Variants in TRMT44 observed in about 807,000 individuals in gnomAD.
TRMT44 encodes tRNA methyltransferase 44 homolog.
A neutral mutation model predicts 77.3 loss-of-function variants in TRMT44; 78 were observed. The ratio of observed to expected loss-of-function variants is 1.01; its 90% CI spans 0.84 to 1.22. TRMT44 has a LOEUF of 1.22. Ranked by LOEUF, TRMT44 falls within the 50% of genes most tolerant of loss-of-function variation. The pLI, the probability that TRMT44 is intolerant of heterozygous loss-of-function variation, is 0.00. For synonymous variants in TRMT44, 391 were observed against 383.3 expected, an observed-to-expected ratio of 1.02 and a Z score of -0.23; for missense variants, 1,090 against 964.4, an observed-to-expected ratio of 1.13 and a Z score of -1.73.
the TRMT44 span, among the ~76,000 whole-genome samples, chr4:8,504,983 A>C: frequency 1.4e-5 from 2 of 147,940 alleles, no homozygotes; most frequent in African/African-American, 2.5e-5. The surrounding 1 kb of genome is among the most constrained non-coding windows in gnomAD (Gnocchi z 5.3). Context: ...TGCTCTACCC[A>C]CCCTCCCCTG....
rs1579045981 is a variant in TRMT44 at position 8,451,686 on chromosome 4, C to G, written c.955-274C>G. Among the ~76,000 whole-genome samples, 1 of 152,180 alleles carries G rather than the reference C, an allele frequency of 6.6e-6. No homozygotes were observed. Among genetic ancestry groups the G allele is most frequent in the Non-Finnish European group, 1.5e-5 (1 of 68,038 alleles). On this transcript the variant is annotated intron_variant, in intron 3 of 10. Transcript: ENST00000389737. The surrounding 1 kb of genome is among the most constrained non-coding windows in gnomAD (Gnocchi z 4.1). Reference sequence around the variant, plus strand: ...ATGAGCACAGTGTAGCTAAGTGTTTCCTCTGTGTCCACTGCCTCAGCTAAA... The same window carrying G: ...ATGAGCACAGTGTAGCTAAGTGTTTGCTCTGTGTCCACTGCCTCAGCTAAA...
At position 8,448,142 on chromosome 4, in the gene TRMT44, C is replaced by T. The variant is rs549263313; in HGVS notation, c.735-1527C>T. ...GTGGCATTTCTAGTCATAGCCTCAC[C>T]GGGCCGCTATTCCTTGCAGTCTCTG... is the stretch of plus-strand genomic sequence containing the variant. On this transcript the variant is annotated intron_variant, in intron 2 of 10. Transcript: ENST00000389737. Among the ~76,000 whole-genome samples, 7 of 152,288 alleles carry T rather than the reference C, an allele frequency of 4.6e-5. No individual in the cohort carries two copies. The South Asian group carries it at 1.2e-3, about 27-fold the overall frequency.
At position 8,441,912 on chromosome 4, in the gene TRMT44, G is replaced by A. The variant is rs72488942; in HGVS notation, c.619+471G>A. Among the ~76,000 whole-genome samples, 51 of 152,376 alleles carry A rather than the reference G, an allele frequency of 3.3e-4. 1 individual carries two copies. The East Asian group carries it at 7.3e-3, about 22-fold the overall frequency. On this transcript the variant is annotated intron_variant, in intron 1 of 10. Transcript: ENST00000389737. ...ATTGAGTACAATCACTTAGATCTAA[G>A]AAGCGGACGTTCGGGGCGAAAGGGT... is the stretch of plus-strand genomic sequence containing the variant.
rs1169947887 is a variant in TRMT44, at chr4:8,441,049, A to G, written c.227A>G (p.Gln76Arg). ...AAGGAGCGGGGTCCGGGACCCGGCC[A>G]GGGTTCCCCCGGAGGGGGCCCGGGT... ...EQKERGPGPG[Q>R]GSPGGGPGPR... is the part of the protein sequence containing the mutation. Residue 76 changes from glutamine (Q) to arginine (R), a missense_variant, in exon 1 of 11, where the codon CAG becomes CGG. Coordinates refer to ENST00000389737, the MANE Select transcript of TRMT44 (RefSeq NM_152544.3). The G allele has an allele frequency of 6.7e-7, 1 of 1,487,954 alleles. No homozygotes were observed. The highest frequency in any genetic ancestry group is 2.3e-5 in the Admixed American group (1 of 43,174). The allele number at this position is 1,487,954 out of a possible 1,614,324, so 92.2% of individuals were successfully genotyped here. A position where few individuals can be genotyped will look rare whatever the true frequency, so the allele number is the denominator to read the frequency against.
chr4:8,489,191 T>A (rs1378312886), intron 2 of TRMT44, among the ~76,000 whole-genome samples: 1 of 152,198 alleles, frequency 6.6e-6, no homozygotes, highest in Non-Finnish European at 1.5e-5. Context: ...TTGAAGGCCC[T>A]GGGGCTGTCA....
chr4:8,471,033 C>G (rs550052663), intron 9 of TRMT44, 51 bp from the exon 10 acceptor site: 3 of 1,272,858 alleles, frequency 2.4e-6, no homozygotes, highest in Non-Finnish European at 3.4e-6. Flanking sequence ...GTGACAGGTT[C>G]GTAATATTTT....
chr4:8,512,935 C>T, the TRMT44 span, among the ~76,000 whole-genome samples: 1 of 152,178 alleles, frequency 6.6e-6, no homozygotes, highest in Non-Finnish European at 1.5e-5. Context: ...TTATTTGAGA[C>T]AGAGTGTCAC....
intron 8 of TRMT44, among the ~76,000 whole-genome samples, chr4:8,466,610 G>A (rs1726569742): frequency 6.6e-6 from 1 of 152,232 alleles, no homozygotes; most frequent in South Asian, 2.1e-4. Context: ...TCTGTTTTTG[G>A]CAAGTCTTGG....
In TRMT44 at chr4:8,467,909, C is replaced by G; in HGVS notation, c.1495-5C>G. 1 of 1,589,268 alleles carries G rather than the reference C, an allele frequency of 6.3e-7. No homozygotes were observed. The highest frequency in any genetic ancestry group is 1.8e-5 in the Admixed American group (1 of 56,598). Reference sequence around the variant, plus strand: ...AAATACTTGCTTTGCTTTCTTCAAACGCAGGTCTGTCTCGTTGGAAAATCC... The same window carrying G: ...AAATACTTGCTTTGCTTTCTTCAAAGGCAGGTCTGTCTCGTTGGAAAATCC... On this transcript the variant is annotated splice_region_variant and splice_polypyrimidine_tract_variant and intron_variant, in intron 8 of 10. Coordinates refer to ENST00000389737, the MANE Select transcript of TRMT44 (RefSeq NM_152544.3).
At chr4:8,467,637 C>T (rs958052636) in intron 8 of TRMT44, among the ~76,000 whole-genome samples, 22 of 152,254 alleles carry the variant, frequency 1.4e-4, no homozygotes, top group East Asian at 5.8e-4. Flanking sequence ...AGGGCCACCA[C>T]GCCCGGCTAA....
chr4:8,449,958 T>TTTC, intron 3 of TRMT44, 70 bp downstream of exon 3: 1 of 734,508 alleles, frequency 1.4e-6, no homozygotes. Flanking sequence ...TCTTTTTTTT[T>TTTC]TTTTTTTTTT....
the TRMT44 span, chr4:8,507,559 C>G: frequency 6.5e-6 from 1 of 153,298 alleles, no homozygotes; most frequent in Non-Finnish European, 1.5e-5. Flanking sequence ...TCCCCTTTCC[C>G]CTCCTTTCCT....
chr4:8,458,019 G>A (rs566358856), intron 6 of TRMT44, among the ~76,000 whole-genome samples: 9 of 152,298 alleles, frequency 5.9e-5, no homozygotes, highest in Admixed American at 4.6e-4. Context: ...CCAACCCAGC[G>A]CCAGATGATG....
At chr4:8,514,251 CT>C in the TRMT44 span, among the ~76,000 whole-genome samples, 36,196 of 114,138 alleles carry the variant, frequency 0.32, 4,611 homozygotes, top group East Asian at 0.43. Context: ...GGGCTCTGAT[CT>C]TTTTTTTTTT....
intron 10 of TRMT44, 42 bp downstream of exon 10, chr4:8,471,242 TC>T: frequency 7.5e-7 from 1 of 1,327,672 alleles, no homozygotes; most frequent in Non-Finnish European, 1.0e-6. Flanking sequence ...TCCTTCTTTT[TC>T]CCCCTTTTTT....
At chr4:8,445,614 C>T (rs1484356731) in intron 1 of TRMT44, among the ~76,000 whole-genome samples, 6 of 152,246 alleles carry the variant, frequency 3.9e-5, no homozygotes, top group African/African-American at 1.4e-4. Context: ...TCAAATGTCA[C>T]CTAACTAGGG....
At position 8,451,276 on chromosome 4, in the gene TRMT44, G is replaced by A. The variant is rs1053935164; in HGVS notation, c.955-684G>A. Among the ~76,000 whole-genome samples, 4 of 152,048 alleles carry A rather than the reference G, an allele frequency of 2.6e-5. No homozygotes were observed. Among genetic ancestry groups the A allele is most frequent in the African/African-American group, 7.2e-5 (3 of 41,386 alleles). ...GTACCGTCCAGAAGGTACTTTTTAT[G>A]TTTTTCCAGCTTTTGAAATTGTTTC... On this transcript the variant is annotated intron_variant, in intron 3 of 10. Transcript: ENST00000389737. The surrounding 1 kb of genome is among the most constrained non-coding windows in gnomAD (Gnocchi z 4.1).
At position 8,476,029 on chromosome 4, in the gene TRMT44, T is replaced by C. The variant is rs767537502; in HGVS notation, c.*28T>C. 23 of 1,606,010 alleles carry C rather than the reference T, an allele frequency of 1.4e-5. No individual in the cohort carries two copies. The highest frequency in any genetic ancestry group is 1.1e-4 in the South Asian group (10 of 90,498). On this transcript the variant is annotated 3_prime_UTR_variant, in exon 11 of 11. Transcript: ENST00000389737. The stretch of plus-strand genomic sequence containing the variant: ...TGCATCCTTGCCAGCCGAGGCCTGG[T>C]TGGGGAGGCCAAACCAAGGAGAGCT...
At chr4:8,499,433 C>G in the TRMT44 span, among the ~76,000 whole-genome samples, 2 of 152,268 alleles carry the variant, frequency 1.3e-5, no homozygotes, top group South Asian at 2.1e-4. Context: ...ATTTCTCCAT[C>G]CACGGAGCCT....
Sources: allele counts gnomAD v4.1 joint callset (sites outside exome capture counted in the v4.1 genomes callset), GRCh38; gene constraint gnomAD v4.1.1; non-coding constraint Gnocchi (gnomAD v3.1); transcripts MANE v1.5; gene names NCBI Gene and HGNC (gene_info 2026-07-23, HGNC 2026-07-21).